DAB2: variants seen among roughly 807,000 people sequenced by gnomAD.
DAB2 encodes the protein disabled homolog 2.
DAB2 carries 28 observed loss-of-function variants against 71.6 expected under a neutral mutation model. The ratio of observed to expected loss-of-function variants is 0.39; its 90% CI spans 0.29 to 0.54. DAB2 has a LOEUF of 0.54. Ranked by LOEUF, DAB2 falls within the 20% of genes least tolerant of loss-of-function variation. The probability of loss-of-function intolerance (pLI) is 0.68; values close to 1 mark genes in which losing one functional copy is unlikely to be tolerated. For synonymous variants in DAB2, 345 were observed against 339.7 expected, an observed-to-expected ratio of 1.02 and a Z score of -0.17; for missense variants, 867 against 928.8, an observed-to-expected ratio of 0.93 and a Z score of 0.86.
rs763173816 is a variant in DAB2 at position 39,383,212 on chromosome 5, A to C, written c.747T>G (p.Ser249=). The C allele has an allele frequency of 6.2e-7, 1 of 1,614,000 alleles. No homozygotes were observed. Residue 249 remains serine (S), a synonymous_variant, in exon 10 of 15, where the codon TCT becomes TCG. Coordinates refer to ENST00000320816, the MANE Select transcript of DAB2 (RefSeq NM_001343.4). The part of the protein sequence containing the change: ...LNSEIDTNQN[S]LRENPFLTNG... ...TTGTTAAGAATGGATTTTCTCTTAA[A>C]GAATTCTGATTGGTGTCGATTTCAG... is the stretch of plus-strand genomic sequence containing the variant.
At chr5:39,409,842 A>C (rs1234182668) in intron 1 of DAB2, among the ~76,000 whole-genome samples, 1 of 152,208 alleles carries the variant, frequency 6.6e-6, no homozygotes, top group East Asian at 1.9e-4. Flanking sequence ...AGTCATTTAG[A>C]TGACCTCTAC....
At chr5:39,379,321 C>G (rs975319006) in intron 11 of DAB2, among the ~76,000 whole-genome samples, 1 of 151,570 alleles carries the variant, frequency 6.6e-6, no homozygotes, top group African/African-American at 2.4e-5. Flanking sequence ...GGTGTGGTGG[C>G]GCATGCCTGT....
chr5:39,379,322 G>A (rs1396509131), intron 11 of DAB2, among the ~76,000 whole-genome samples: 3 of 151,360 alleles, frequency 2.0e-5, no homozygotes, highest in Non-Finnish European at 4.4e-5. Flanking sequence ...GTGTGGTGGC[G>A]CATGCCTGTA....
chr5:39,381,563 T>G lies in DAB2; in HGVS notation c.1395A>C (p.Glu465Asp), dbSNP rs761068556. ...ASDIFAPPVS[E>D]PSGQASPTGQ... ...CTGTGGGTGACGCCTGGCCTGAAGG[T>G]TCTGAGACGGGAGGAGCAAAGATGT... is the stretch of plus-strand genomic sequence containing the variant. The change falls in exon 11 of 15, where the codon GAA (glutamate) becomes GAC (aspartate). Residue 465 changes from glutamate to aspartate, a missense_variant. By Grantham distance (45) the Glu-to-Asp change is conservative. Coordinates refer to ENST00000320816, the MANE Select transcript of DAB2 (RefSeq NM_001343.4). 3.7e-6 allele frequency: 6 copies of G among 1,613,982 alleles called. No homozygotes were observed. The highest frequency in any genetic ancestry group is 5.1e-6 in the Non-Finnish European group (6 of 1,179,950).
rs1416455323 is a variant in DAB2, at chr5:39,388,837, G to A, written c.586C>T (p.Leu196=). The A allele has an allele frequency of 1.9e-6, 3 of 1,612,956 alleles. No individual in the cohort carries two copies. The highest frequency in any genetic ancestry group is 2.5e-6 in the Non-Finnish European group (3 of 1,179,186). ...SKAVENGSEA[L]MILDDQTNKL... is the part of the protein sequence containing the mutation. Reference sequence around the variant, plus strand: ...TTAGTTTGGTCATCTAGAATCATTAGGGCCTCACTCCCATTCTGAAAAGAT... The same window carrying A: ...TTAGTTTGGTCATCTAGAATCATTAAGGCCTCACTCCCATTCTGAAAAGAT... Residue 196 remains leucine (L), a synonymous_variant, in exon 8 of 15, where the codon CTA becomes TTA. Coordinates refer to ENST00000320816, the MANE Select transcript of DAB2 (RefSeq NM_001343.4).
intron 4 of DAB2, among the ~76,000 whole-genome samples, chr5:39,391,251 C>T (rs1182507929): frequency 6.6e-6 from 1 of 152,058 alleles, no homozygotes; most frequent in African/African-American, 2.4e-5. Flanking sequence ...TTTTCTTGAT[C>T]CTTTCAAGCA....
chr5:39,378,241 C>T (rs1212469862), intron 11 of DAB2, among the ~76,000 whole-genome samples: 1 of 152,206 alleles, frequency 6.6e-6, no homozygotes, highest in African/African-American at 2.4e-5. Context: ...TTGAGAGGCT[C>T]GCTCCCTGCA....
At chr5:39,389,274 C>A (rs1755168669) in intron 6 of DAB2, 151 bp from the exon 7 acceptor site, 1 of 574,832 alleles carries the variant, frequency 1.7e-6, no homozygotes, top group Non-Finnish European at 3.0e-6. Context: ...CTTTTCATAT[C>A]AATATAAGGT....
At chr5:39,420,666 T>G (rs888565496) in intron 1 of DAB2, among the ~76,000 whole-genome samples, 1 of 152,232 alleles carries the variant, frequency 6.6e-6, no homozygotes, top group Non-Finnish European at 1.5e-5. Context: ...GCTTTCATGT[T>G]TTGCTATCTA....
At chr5:39,392,301 C>T in intron 4 of DAB2, 64 bp downstream of exon 4, 1 of 1,252,860 alleles carries the variant, frequency 8.0e-7, no homozygotes, top group Non-Finnish European at 1.2e-6. Flanking sequence ...AGCCGAAATT[C>T]AAGTAGCAAA....
At chr5:39,376,560 T>G (rs1579897640) in intron 12 of DAB2, 90 bp downstream of exon 12, 1 of 1,449,920 alleles carries the variant, frequency 6.9e-7, no homozygotes. Flanking sequence ...TGTTGGCGGG[T>G]GGGAGAGGGT....
rs72738494 is a variant in DAB2 at position 39,420,089 on chromosome 5, C to T, written c.-102+4715G>A. Among the ~76,000 whole-genome samples the T allele has an allele frequency of 4.1e-3, 627 of 152,306 alleles. 1 individual carries two copies. The highest frequency in any genetic ancestry group is 6.7e-3 in the Non-Finnish European group (458 of 68,026). ...CTACTTCCAGAGTTTGCAGTTCTGACAGGTCCCCAGCTGATGTTGATGCTG... is the reference window on the plus strand; with the variant it reads ...CTACTTCCAGAGTTTGCAGTTCTGATAGGTCCCCAGCTGATGTTGATGCTG... On this transcript the variant is annotated intron_variant, in intron 1 of 14. Transcript: ENST00000320816.
chr5:39,404,657 C>A (rs1249964776), intron 1 of DAB2, among the ~76,000 whole-genome samples: 1 of 151,908 alleles, frequency 6.6e-6, no homozygotes, highest in Non-Finnish European at 1.5e-5. Context: ...CAGCTCACTG[C>A]AACCTCCACC....
chr5:39,413,372 C>T (rs1281229176), intron 1 of DAB2, among the ~76,000 whole-genome samples: 1 of 152,088 alleles, frequency 6.6e-6, no homozygotes, highest in Non-Finnish European at 1.5e-5. Context: ...TTAAAGGTGG[C>T]TTTTTAAAAA....
chr5:39,406,391 A>G (rs965959235), intron 1 of DAB2, among the ~76,000 whole-genome samples: 5 of 152,160 alleles, frequency 3.3e-5, no homozygotes, highest in African/African-American at 1.2e-4. Flanking sequence ...CTACTGCAGG[A>G]CCAGAGATGG....
intron 1 of DAB2, among the ~76,000 whole-genome samples, chr5:39,418,529 C>T (rs1177958185): frequency 1.3e-5 from 2 of 152,184 alleles, no homozygotes; most frequent in African/African-American, 4.8e-5. Context: ...AAGTTATTCA[C>T]TTTCCAGTTC....
At position 39,383,037 on chromosome 5, in the gene DAB2, G is replaced by A. The variant is rs371072259; in HGVS notation, c.922C>T (p.Pro308Ser). ...DPFTQPDQST[P>S]SSFDSLKSPD... ...GATTTGAGAGAATCAAACGAAGAAG[G>A]TGTCGATTGGTCTGGCTGTGTGAAA... The change falls in exon 10 of 15, where the codon CCT (proline) becomes TCT (serine). Residue 308 changes from proline to serine, a missense_variant. Around this residue, in one of 2 missense-constraint regions of DAB2, gnomAD observed 740 missense variants for 734.3 expected, o/e 1.01. Coordinates refer to ENST00000320816, the MANE Select transcript of DAB2 (RefSeq NM_001343.4). 5.0e-6 allele frequency: 8 copies of A among 1,613,994 alleles called. No individual in the cohort carries two copies. In the African/African-American group the frequency reaches 1.1e-4, roughly 22 times the overall value.
chr5:39,422,306 T>G lies in DAB2; in HGVS notation c.-102+2498A>C, dbSNP rs1221731767. On this transcript the variant is annotated intron_variant, in intron 1 of 14. Coordinates refer to ENST00000320816, the MANE Select transcript of DAB2 (RefSeq NM_001343.4). The surrounding 1 kb of genome is among the most constrained non-coding windows in gnomAD (Gnocchi z 4.1). ...GTTTGGTTAGTTACCTAAACCTTCC[T>G]GGCCAGTAAGCTTTCGAATCTTTCC... Among the ~76,000 whole-genome samples the G allele has an allele frequency of 6.6e-6, 1 of 152,220 alleles. No individual in the cohort carries two copies. The highest frequency in any genetic ancestry group is 1.5e-5 in the Non-Finnish European group (1 of 68,034).
At position 39,414,875 on chromosome 5, in the gene DAB2, C is replaced by T. The variant is rs142714021; in HGVS notation, c.-102+9929G>A. Among the ~76,000 whole-genome samples the T allele has an allele frequency of 4.8e-3, 728 of 152,164 alleles. 7 individuals carry two copies. The highest frequency in any genetic ancestry group is 0.017 in the African/African-American group (702 of 41,530). ...GGCCATCTGGTTATTGTTTATTAAA[C>T]ACCTACTATTTGCCAAGCACTGCAT... On this transcript the variant is annotated intron_variant, in intron 1 of 14. Transcript: ENST00000320816.
Sources: gnomAD v4.1 joint callset for allele counts (sites outside exome capture counted in the v4.1 genomes callset) on GRCh38, gnomAD v4.1.1 for gene constraint, gnomAD v4.1.1 regional missense constraint, Gnocchi (gnomAD v3.1) non-coding constraint, MANE v1.5 for transcripts, NCBI Gene and HGNC (gene_info 2026-07-23, HGNC 2026-07-21) for gene names.